CCDC7: variants seen among roughly 807,000 people sequenced by gnomAD.
CCDC7 encodes the protein coiled-coil domain containing 7.
CCDC7 carries 183 observed loss-of-function variants against 196.9 expected under a neutral mutation model. The ratio of observed to expected loss-of-function variants is 0.93; its 90% CI spans 0.82 to 1.05. CCDC7 has a LOEUF of 1.05. Ranked by LOEUF, CCDC7 falls within the 50% of genes least tolerant of loss-of-function variation. CCDC7 has a pLI of 0.00. For missense variants in CCDC7, 1,540 were observed against 1,482.2 expected, an observed-to-expected ratio of 1.04 and a Z score of -0.64; for synonymous variants, 525 against 484.6, an observed-to-expected ratio of 1.08 and a Z score of -1.10.
intron 13 of CCDC7, among the ~76,000 whole-genome samples, chr10:32,546,980 T>TTCC (rs1175602585): frequency 3.3e-5 from 5 of 152,008 alleles, no homozygotes; most frequent in East Asian, 3.9e-4. Flanking sequence ...CATAGCACCT[T>TTCC]TCCTCCTCCT....
intron 31 of CCDC7, among the ~76,000 whole-genome samples, chr10:32,822,540 A>T (rs2090434400): frequency 6.6e-6 from 1 of 152,164 alleles, no homozygotes; most frequent in Non-Finnish European, 1.5e-5. Context: ...TATACAAAGA[A>T]ATAATTATAA....
chr10:32,636,308 C>T (rs191131307), intron 20 of CCDC7, among the ~76,000 whole-genome samples: 1 of 152,128 alleles, frequency 6.6e-6, no homozygotes, highest in African/African-American at 2.4e-5. Flanking sequence ...ATACATGTGC[C>T]ATGTTTGTGT....
At chr10:32,645,505 T>C (rs2067609606) in intron 20 of CCDC7, among the ~76,000 whole-genome samples, 1 of 9,118 alleles carries the variant, frequency 1.1e-4, no homozygotes, top group East Asian at 4.5e-3. Context: ...GTCCATGTCT[T>C]TTTTTTTTTT....
intron 9 of CCDC7, among the ~76,000 whole-genome samples, chr10:32,508,011 G>C (rs1468998175): frequency 6.6e-6 from 1 of 152,190 alleles, no homozygotes; most frequent in Non-Finnish European, 1.5e-5. Context: ...AGTACCAGAA[G>C]TCAAATGCAG....
intron 24 of CCDC7, among the ~76,000 whole-genome samples, chr10:32,709,325 TGGGGGGA>T (rs2080395535): frequency 1.5e-5 from 1 of 65,672 alleles, no homozygotes. Flanking sequence ...CTATCGTGGG[TGGGGGGA>T]GGGGGGAGGG....
At chr10:32,467,300 C>T (rs955776255) in intron 5 of CCDC7, among the ~76,000 whole-genome samples, 3 of 148,626 alleles carry the variant, frequency 2.0e-5, no homozygotes, top group Non-Finnish European at 4.5e-5. Context: ...TTAGTAGAGA[C>T]GGGGTTTCAC....
chr10:32,462,892 C>A, intron 4 of CCDC7, 125 bp from the exon 6 acceptor site: 1 of 1,437,352 alleles, frequency 7.0e-7, no homozygotes, highest in Non-Finnish European at 9.5e-7. Flanking sequence ...ATGTTTCGGT[C>A]AGGGCTGATA....
At chr10:32,634,121 A>T (rs952470490) in intron 18 of CCDC7, 133 bp from the exon 20 acceptor site, 12 of 386,986 alleles carry the variant, frequency 3.1e-5, no homozygotes, top group Admixed American at 4.5e-5. Flanking sequence ...GATCTATCTC[A>T]ATGGTAATTT....
intron 21 of CCDC7, among the ~76,000 whole-genome samples, chr10:32,674,012 A>G (rs542274625): frequency 1.3e-5 from 2 of 151,752 alleles, no homozygotes; most frequent in African/African-American, 4.8e-5. Context: ...TTAATAATTA[A>G]TCTAGCTAAT....
intron 28 of CCDC7, among the ~76,000 whole-genome samples, chr10:32,754,717 T>A (rs2076144728): frequency 6.6e-6 from 1 of 152,058 alleles, no homozygotes; most frequent in African/African-American, 2.4e-5. Flanking sequence ...ACGCAGAAGA[T>A]GGGTGATTTG....
intron 28 of CCDC7, among the ~76,000 whole-genome samples, chr10:32,754,531 A>T (rs2076117083): frequency 6.6e-6 from 1 of 152,218 alleles, no homozygotes; most frequent in Admixed American, 6.5e-5. Context: ...TGATTCTAAA[A>T]CTTGGCAACA....
intron 20 of CCDC7, among the ~76,000 whole-genome samples, chr10:32,656,464 A>G (rs772657449): frequency 7.9e-5 from 12 of 152,204 alleles, no homozygotes; most frequent in East Asian, 1.9e-4. Flanking sequence ...GAAACTTACA[A>G]TCATGGCAGA....
At chr10:32,451,807 T>G (rs770776692) in exon 1 of CCDC7, 2 of 1,614,186 alleles carry the variant, frequency 1.2e-6, no homozygotes, top group Non-Finnish European at 1.7e-6. Flanking sequence ...TCCTAAGATC[T>G]CCACCAACAG....
intron 33 of CCDC7, among the ~76,000 whole-genome samples, chr10:32,836,652 CAT>C (rs1045800535): frequency 6.6e-6 from 1 of 152,096 alleles, no homozygotes; most frequent in African/African-American, 2.4e-5. Flanking sequence ...AGCATTTTTT[CAT>C]GTGTCTTTTG....
chr10:32,655,972 G>A (rs2069758863), intron 20 of CCDC7, among the ~76,000 whole-genome samples: 1 of 152,036 alleles, frequency 6.6e-6, no homozygotes, highest in Non-Finnish European at 1.5e-5. Flanking sequence ...CAGATCTATA[G>A]TTTGCAAACA....
Position 32,798,363 on chromosome 10 carries a change from G to A in CCDC7, c.3014-6652G>A, listed in dbSNP as rs534764058. ...GAAGTCCACATTGCTGAGCCCATGC[G>A]TAACCTCCATCCCTGCCACCATGGC... On this transcript the variant is annotated intron_variant, in intron 29 of 41. Coordinates refer to ENST00000639629, the Ensembl canonical transcript of CCDC7. 1.5e-3 allele frequency among the ~76,000 whole-genome samples: 223 copies of A among 152,312 alleles called. 1 individual carries two copies. The highest frequency in any genetic ancestry group is 5.0e-3 in the African/African-American group (208 of 41,558).
intron 20 of CCDC7, among the ~76,000 whole-genome samples, chr10:32,660,694 T>C (rs1008503894): frequency 1.3e-5 from 2 of 152,122 alleles, no homozygotes; most frequent in African/African-American, 4.8e-5. Context: ...CCCTGATCTT[T>C]GACAAACCTG....
intron 41 of CCDC7, among the ~76,000 whole-genome samples, chr10:32,869,101 G>C (rs1371153408): frequency 6.6e-6 from 1 of 152,116 alleles, no homozygotes; most frequent in East Asian, 1.9e-4. Flanking sequence ...GGATTGCTGG[G>C]TCAAATGGTA....
At chr10:32,632,135 T>G (rs1444564519) in intron 18 of CCDC7, among the ~76,000 whole-genome samples, 1 of 18,676 alleles carries the variant, frequency 5.4e-5, no homozygotes, top group Non-Finnish European at 2.1e-4. Flanking sequence ...TTATTTCTTT[T>G]TTTTGGGGGG....
Sources: allele counts gnomAD v4.1 joint callset (sites outside exome capture counted in the v4.1 genomes callset), GRCh38; gene constraint gnomAD v4.1.1; transcripts MANE v1.5; gene names NCBI Gene and HGNC (gene_info 2026-07-23, HGNC 2026-07-21).